The following FLT1 variants were observed in gnomAD, a reference collection of about 807,000 sequenced individuals.
FLT1 encodes vascular endothelial growth factor receptor 1.
In FLT1, 49 loss-of-function variants were observed where a neutral mutation model predicts 156.3. That is an observed-to-expected ratio of 0.31 (90% confidence interval 0.25 to 0.40). FLT1 has a LOEUF of 0.40. Among genes scored for constraint, FLT1 ranks in the 10% least tolerant of loss-of-function variants. The probability of loss-of-function intolerance (pLI) is 1.00; values close to 1 mark genes in which losing one functional copy is unlikely to be tolerated. For missense variants in FLT1, 1,322 were observed against 1,637.2 expected, an observed-to-expected ratio of 0.81 and a Z score of 3.32; for synonymous variants, 594 against 583.8, an observed-to-expected ratio of 1.02 and a Z score of -0.25.
chr13:28,472,394 A>G (rs545533197), intron 1 of FLT1, among the ~76,000 whole-genome samples: 5 of 152,362 alleles, frequency 3.3e-5, no homozygotes, highest in African/African-American at 1.2e-4. Flanking sequence ...GCCAACTCCC[A>G]CTGGAGGTCA....
At chr13:28,419,874 G>C (rs188822229) in intron 10 of FLT1, among the ~76,000 whole-genome samples, 1 of 152,182 alleles carries the variant, frequency 6.6e-6, no homozygotes, top group Admixed American at 6.5e-5. Flanking sequence ...GCAAGACTCC[G>C]TCTCAAAACA....
At chr13:28,444,717 A>G (rs536037538) in intron 3 of FLT1, among the ~76,000 whole-genome samples, 227 of 152,356 alleles carry the variant, frequency 1.5e-3, no homozygotes, top group Non-Finnish European at 2.8e-3. Flanking sequence ...TAACAGAAAT[A>G]AATTTGAAAA....
At chr13:28,395,558 T>C (rs1173623330) in intron 12 of FLT1, among the ~76,000 whole-genome samples, 3 of 152,176 alleles carry the variant, frequency 2.0e-5, no homozygotes, top group Non-Finnish European at 4.4e-5. Context: ...TCACAATAGT[T>C]TGGATATATT....
intron 18 of FLT1, among the ~76,000 whole-genome samples, chr13:28,331,238 T>A (rs1871919028): frequency 1.3e-5 from 2 of 152,232 alleles, no homozygotes; most frequent in African/African-American, 4.8e-5. Context: ...AAATCATTTT[T>A]AATAATAACT....
At chr13:28,357,778 T>C (rs1044826670) in intron 14 of FLT1, 93 bp from the exon 15 acceptor site, 15 of 1,200,584 alleles carry the variant, frequency 1.2e-5, no homozygotes, top group Non-Finnish European at 1.9e-5. Context: ...TCATTATGCA[T>C]TCAGACAAGG....
chr13:28,311,900 CTATTA>C, intron 26 of FLT1, 88 bp downstream of exon 26: 1 of 1,076,770 alleles, frequency 9.3e-7, no homozygotes, highest in South Asian at 1.3e-5. Context: ...CTGATCTCAG[CTATTA>C]TATTAATAGC....
At chr13:28,327,945 C>T (rs905925220) in intron 19 of FLT1, among the ~76,000 whole-genome samples, 1 of 152,136 alleles carries the variant, frequency 6.6e-6, no homozygotes, top group Non-Finnish European at 1.5e-5. Context: ...TATTAAGCAG[C>T]TCCTCCCTCC....
intron 11 of FLT1, among the ~76,000 whole-genome samples, chr13:28,404,701 G>T (rs1875672122): frequency 6.6e-6 from 1 of 152,068 alleles, no homozygotes; most frequent in Non-Finnish European, 1.5e-5. Context: ...GTCAGCAAGG[G>T]GATACTTGAT....
chr13:28,481,291 G>A (rs187018973), intron 1 of FLT1, among the ~76,000 whole-genome samples: 26 of 151,738 alleles, frequency 1.7e-4, no homozygotes, highest in African/African-American at 4.6e-4. Context: ...GTCTACAGTC[G>A]AGTCAGGAGA....
At chr13:28,482,506 AG>A (rs1953421229) in intron 1 of FLT1, among the ~76,000 whole-genome samples, 2 of 151,870 alleles carry the variant, frequency 1.3e-5, no homozygotes, top group Non-Finnish European at 2.9e-5. Flanking sequence ...AGAAAGAAAA[AG>A]AAAAAAAAAG....
At chr13:28,460,291 T>C (rs1335139309) in intron 3 of FLT1, among the ~76,000 whole-genome samples, 2 of 152,202 alleles carry the variant, frequency 1.3e-5, no homozygotes, top group Admixed American at 6.5e-5. Context: ...TTCTGAACAA[T>C]AGTTATTCTC....
intron 14 of FLT1, among the ~76,000 whole-genome samples, chr13:28,367,657 T>C (rs952290609): frequency 2.0e-5 from 3 of 152,186 alleles, no homozygotes; most frequent in African/African-American, 7.2e-5. Flanking sequence ...GCTTTTGAAT[T>C]CACCTATTTG....
chr13:28,462,358 G>T (rs1879626424), intron 3 of FLT1, among the ~76,000 whole-genome samples: 1 of 152,208 alleles, frequency 6.6e-6, no homozygotes, highest in South Asian at 2.1e-4. Context: ...TGTCAGAAAA[G>T]AAGTGCAAAA....
At chr13:28,360,416 G>T (rs1656419643) in intron 14 of FLT1, among the ~76,000 whole-genome samples, 2 of 152,174 alleles carry the variant, frequency 1.3e-5, no homozygotes, top group Admixed American at 1.3e-4. Flanking sequence ...ATTCACAATA[G>T]CCAAGATATG....
Position 28,495,051 on chromosome 13 carries a change from C to T in FLT1, c.-208G>A. ...CTGCACCCGAGCCCCGGAGCCCGCTCCGAGCCGCCGCCGCTGCCGGGGAGG... is the reference window on the plus strand; with the variant it reads ...CTGCACCCGAGCCCCGGAGCCCGCTTCGAGCCGCCGCCGCTGCCGGGGAGG... On this transcript the variant is annotated 5_prime_UTR_variant, in exon 1 of 30. Transcript: ENST00000282397. The surrounding 1 kb of genome is among the most constrained non-coding windows in gnomAD (Gnocchi z 4.1). The T allele has an allele frequency of 2.1e-6, 1 of 473,424 alleles. No homozygotes were observed. Among genetic ancestry groups the T allele is most frequent in the South Asian group, 3.8e-5 (1 of 26,096 alleles). The allele number at this position is 473,424 out of a possible 1,614,324, so 29.3% of individuals were successfully genotyped here.
At chr13:28,416,058 C>G (rs2137517845) in intron 10 of FLT1, among the ~76,000 whole-genome samples, 1 of 152,350 alleles carries the variant, frequency 6.6e-6, no homozygotes, top group East Asian at 1.9e-4. Context: ...ACAAACTTAG[C>G]ACTCGCAATG....
intron 27 of FLT1, among the ~76,000 whole-genome samples, chr13:28,311,258 C>T (rs535344468): frequency 4.7e-4 from 71 of 152,216 alleles, no homozygotes; most frequent in Non-Finnish European, 8.1e-4. Context: ...TGCCCAGCAA[C>T]AATAGCCTTC....
intron 11 of FLT1, among the ~76,000 whole-genome samples, chr13:28,399,282 T>G (rs1875275833): frequency 6.6e-6 from 1 of 152,204 alleles, no homozygotes; most frequent in African/African-American, 2.4e-5. Context: ...TTTATGAAGT[T>G]AGTTCTCAAG....
At chr13:28,392,357 C>T (rs1394970626) in intron 12 of FLT1, among the ~76,000 whole-genome samples, 1 of 152,162 alleles carries the variant, frequency 6.6e-6, no homozygotes, top group Non-Finnish European at 1.5e-5. Flanking sequence ...AATAGTTGCT[C>T]TAATTCAGCA....
Sources: gnomAD v4.1 joint callset for allele counts (sites outside exome capture counted in the v4.1 genomes callset) on GRCh38, gnomAD v4.1.1 for gene constraint, Gnocchi (gnomAD v3.1) non-coding constraint, MANE v1.5 for transcripts, NCBI Gene and HGNC (gene_info 2026-07-23, HGNC 2026-07-21) for gene names.